CNTNAP2: variants seen among roughly 807,000 people sequenced by gnomAD.
The protein encoded by CNTNAP2 is contactin associated protein 2.
Under a neutral mutation model 155.2 loss-of-function variants are expected in CNTNAP2, and 98 were observed. That is an observed-to-expected ratio of 0.63 (90% CI 0.54 to 0.75). The LOEUF (loss-of-function observed/expected upper bound fraction) is 0.75, where lower values mean the gene tolerates loss of function less well. Among genes scored for constraint, CNTNAP2 ranks in the 30% least tolerant of loss-of-function variants. CNTNAP2 has a pLI of 0.00. For missense variants in CNTNAP2, 1,727 were observed against 1,688.1 expected, an observed-to-expected ratio of 1.02 and a Z score of -0.40; for synonymous variants, 651 against 631.2, an observed-to-expected ratio of 1.03 and a Z score of -0.47.
At chr7:147,769,378 A>G (rs897275309) in intron 13 of CNTNAP2, among the ~76,000 whole-genome samples, 5 of 152,170 alleles carry the variant, frequency 3.3e-5, no homozygotes, top group Non-Finnish European at 7.4e-5. Context: ...TGTCTGGAAT[A>G]ACTTTCTCAC....
At chr7:147,736,710 T>C (rs1013069664) in intron 13 of CNTNAP2, among the ~76,000 whole-genome samples, 2 of 152,226 alleles carry the variant, frequency 1.3e-5, no homozygotes, top group Non-Finnish European at 2.9e-5. Flanking sequence ...TCTTGGAGGC[T>C]TTGTTCGTTT....
chr7:147,118,383 A>T (rs1184312045), intron 5 of CNTNAP2, among the ~76,000 whole-genome samples: 1 of 152,244 alleles, frequency 6.6e-6, no homozygotes, highest in Non-Finnish European at 1.5e-5. Flanking sequence ...AAAAATTGGG[A>T]AAAAATTAAA....
chr7:147,273,889 T>C (rs1804825843), intron 8 of CNTNAP2, among the ~76,000 whole-genome samples: 1 of 147,988 alleles, frequency 6.8e-6, no homozygotes, highest in African/African-American at 2.5e-5. Flanking sequence ...TATATATTTA[T>C]ATGTGTAATT....
chr7:147,558,826 T>G (rs995193090), intron 11 of CNTNAP2, among the ~76,000 whole-genome samples: 2 of 152,032 alleles, frequency 1.3e-5, no homozygotes, highest in Admixed American at 1.3e-4. Flanking sequence ...CACTGCATCC[T>G]TCGCCTCCTG....
rs545713407 is a variant in CNTNAP2, at chr7:147,336,261, C to T, written c.1498+35971C>T. On this transcript the variant is annotated intron_variant, in intron 9 of 23. Transcript: ENST00000361727. ...CCTGAGAGGTTTGCTGTTGTTGTTG[C>T]CATTGTTGTTTTTAGGAATGTTCAC... Among the ~76,000 whole-genome samples the T allele has an allele frequency of 6.6e-5, 10 of 152,106 alleles. No homozygotes were observed. The East Asian group carries it at 1.5e-3, about 24-fold the overall frequency.
At chr7:146,761,877 G>A (rs2129184102) in intron 1 of CNTNAP2, among the ~76,000 whole-genome samples, 1 of 152,158 alleles carries the variant, frequency 6.6e-6, no homozygotes, top group Non-Finnish European at 1.5e-5. Context: ...GAGGAGAAAT[G>A]AATTCAGATT....
At chr7:147,680,774 A>G (rs1307884444) in intron 13 of CNTNAP2, among the ~76,000 whole-genome samples, 1 of 151,692 alleles carries the variant, frequency 6.6e-6, no homozygotes, top group East Asian at 1.9e-4. Flanking sequence ...CTCCCTCTCT[A>G]TATATAATTT....
intron 1 of CNTNAP2, among the ~76,000 whole-genome samples, chr7:146,340,565 A>G (rs1401121376): frequency 6.6e-6 from 1 of 152,110 alleles, no homozygotes; most frequent in African/African-American, 2.4e-5. Flanking sequence ...AAAATTTGTT[A>G]TTTATCTCAA....
At chr7:147,697,453 G>A (rs1246168122) in intron 13 of CNTNAP2, among the ~76,000 whole-genome samples, 3 of 152,084 alleles carry the variant, frequency 2.0e-5, no homozygotes, top group African/African-American at 7.2e-5. Flanking sequence ...GATAAGTCAT[G>A]AGGATGATTT....
chr7:147,927,137 T>C (rs1214667329), intron 14 of CNTNAP2, among the ~76,000 whole-genome samples: 3 of 152,236 alleles, frequency 2.0e-5, no homozygotes. Context: ...GCATTTATTC[T>C]ATTTAGTTGT....
chr7:147,122,732 A>C (rs1472492655), intron 6 of CNTNAP2: 1 of 152,244 alleles, frequency 6.6e-6, no homozygotes, highest in Non-Finnish European at 1.5e-5. Context: ...AATGTCCAAA[A>C]GGTGTCAAAT....
chr7:146,225,371 G>T (rs1799277315), intron 1 of CNTNAP2, among the ~76,000 whole-genome samples: 1 of 152,178 alleles, frequency 6.6e-6, no homozygotes, highest in African/African-American at 2.4e-5. Context: ...ACTGACAGGT[G>T]AAGTTATTTT....
At position 147,233,726 on chromosome 7, in the gene CNTNAP2, C is replaced by A. The variant is rs189480923; in HGVS notation, c.1349-66415C>A. 2.7e-3 allele frequency among the ~76,000 whole-genome samples: 409 copies of A among 151,660 alleles called. 1 individual carries two copies. Among genetic ancestry groups the A allele is most frequent in the African/African-American group, 9.2e-3 (383 of 41,408 alleles). ...ACTATGCTGCAGTGATCCAATTATA[C>A]CTTATTTGAAAAAAGGAAAAAAGTC... On this transcript the variant is annotated intron_variant, in intron 8 of 23. Transcript: ENST00000361727.
At position 147,126,452 on chromosome 7, in the gene CNTNAP2, T is replaced by C. The variant is rs773358219; in HGVS notation, c.940-2241T>C. 1.6e-4 allele frequency among the ~76,000 whole-genome samples: 25 copies of C among 152,118 alleles called. 1 individual carries two copies. Among genetic ancestry groups the C allele is most frequent in the Non-Finnish European group, 3.2e-4 (22 of 68,020 alleles). On this transcript the variant is annotated intron_variant, in intron 6 of 23. Transcript: ENST00000361727. ...ATATTCTGTGGTCCAACCAGTTTAT[T>C]TTACCAATGAGAATTTTATTTTATT...
At chr7:147,374,518 CAT>C (rs773466911) in intron 9 of CNTNAP2, among the ~76,000 whole-genome samples, 1 of 152,060 alleles carries the variant, frequency 6.6e-6, no homozygotes, top group Non-Finnish European at 1.5e-5. Flanking sequence ...CATATGGTTA[CAT>C]AGTCTAGGTT....
intron 3 of CNTNAP2, among the ~76,000 whole-genome samples, chr7:146,842,772 G>A (rs1411297114): frequency 6.6e-5 from 10 of 151,734 alleles, no homozygotes; most frequent in Admixed American, 2.0e-4. Context: ...TGCAAGCTCC[G>A]CCTCCCGGTT....
chr7:146,401,844 T>A (rs2129108601), intron 1 of CNTNAP2, among the ~76,000 whole-genome samples: 1 of 152,280 alleles, frequency 6.6e-6, no homozygotes, highest in East Asian at 1.9e-4. Context: ...CAACAAAACT[T>A]TATTTTATCA....
chr7:147,366,436 C>T (rs980677702), intron 9 of CNTNAP2, among the ~76,000 whole-genome samples: 2 of 151,780 alleles, frequency 1.3e-5, no homozygotes, highest in African/African-American at 4.8e-5. Context: ...CTCATAATTT[C>T]CTTTTCTCTG....
chr7:148,187,098 G>C (rs1795127253), intron 18 of CNTNAP2, among the ~76,000 whole-genome samples: 1 of 141,974 alleles, frequency 7.0e-6, no homozygotes, highest in African/African-American at 2.6e-5. Flanking sequence ...GTGCGGTTGA[G>C]CAAGGAAACA....
Sources: allele counts gnomAD v4.1 joint callset (sites outside exome capture counted in the v4.1 genomes callset), GRCh38; gene constraint gnomAD v4.1.1; transcripts MANE v1.5; gene names NCBI Gene and HGNC (gene_info 2026-07-23, HGNC 2026-07-21).